SYTL5: variants seen among roughly 807,000 people sequenced by gnomAD.
SYTL5 encodes synaptotagmin like 5, also known as synaptotagmin-like protein 5.
Under a neutral mutation model 55.9 loss-of-function variants are expected in SYTL5, and 34 were observed. That is an observed-to-expected ratio of 0.61 (90% CI 0.46 to 0.81). SYTL5 has a LOEUF of 0.81. Ranked by LOEUF, SYTL5 falls within the 30% of genes least tolerant of loss-of-function variation. The pLI is 0.00. For synonymous variants in SYTL5, 221 were observed against 188.7 expected, an observed-to-expected ratio of 1.17 and a Z score of -1.40; for missense variants, 637 against 546.7, an observed-to-expected ratio of 1.17 and a Z score of -1.65.
intron 3 of SYTL5, among the ~76,000 whole-genome samples, chrX:38,060,652 T>C (rs1428390666): frequency 8.9e-6 from 1 of 112,119 alleles, no homozygotes; most frequent in African/African-American, 3.2e-5. Context: ...TGTAGAACAA[T>C]TGTGGTTTTC....
chrX:37,970,588 T>C, the SYTL5 span, among the ~76,000 whole-genome samples: 3 of 111,567 alleles, frequency 2.7e-5, no homozygotes, highest in African/African-American at 9.7e-5. Flanking sequence ...TTATGACAAG[T>C]TTGTTTAAAA....
chrX:37,993,353 G>T, the SYTL5 span, among the ~76,000 whole-genome samples: 2 of 111,983 alleles, frequency 1.8e-5, no homozygotes, highest in African/African-American at 6.5e-5. Context: ...TTGGGCTTTG[G>T]AGTCACCTAG....
At chrX:37,976,303 G>A in the SYTL5 span, among the ~76,000 whole-genome samples, 1 of 112,210 alleles carries the variant, frequency 8.9e-6, no homozygotes, top group African/African-American at 3.2e-5. Flanking sequence ...TCTTGCATAA[G>A]CAGACTAGGG....
chrX:37,977,581 T>C, the SYTL5 span, among the ~76,000 whole-genome samples: 921 of 109,277 alleles, frequency 8.4e-3, 6 homozygotes, highest in Middle Eastern at 0.019. Flanking sequence ...ATGAGATGTA[T>C]TCTGTACTCT....
chrX:38,043,661 GTATATATATATATATATATA>G (rs35312093), intron 2 of SYTL5, among the ~76,000 whole-genome samples: 3 of 50,161 alleles, frequency 6.0e-5, no homozygotes, highest in African/African-American at 2.9e-4. Context: ...ATGTATGTAT[GTATATATATATATATATATA>G]TATATATATA....
intron 3 of SYTL5, among the ~76,000 whole-genome samples, chrX:38,063,135 A>G (rs1339462778): frequency 2.7e-5 from 3 of 110,559 alleles, no homozygotes; most frequent in African/African-American, 9.9e-5. Flanking sequence ...ATGTTTGTCC[A>G]TAGGTGGGAC....
At chrX:38,091,592 T>C (rs1936800735) in intron 7 of SYTL5, among the ~76,000 whole-genome samples, 1 of 111,319 alleles carries the variant, frequency 9.0e-6, no homozygotes, top group Non-Finnish European at 1.9e-5. Context: ...GGCTTATAGA[T>C]GAGAGGGAGC....
chrX:37,986,422 G>A, the SYTL5 span, among the ~76,000 whole-genome samples: 1 of 111,484 alleles, frequency 9.0e-6, no homozygotes, highest in Non-Finnish European at 1.9e-5. Flanking sequence ...GAACAGAACA[G>A]GACAGGGATT....
At chrX:37,995,251 G>A in the SYTL5 span, among the ~76,000 whole-genome samples, 1 of 111,548 alleles carries the variant, frequency 9.0e-6, no homozygotes, top group African/African-American at 3.3e-5. Flanking sequence ...AGGTGCAGGA[G>A]GCTTTATTCA....
At chrX:38,013,341 A>G (rs1325459413) in intron 1 of SYTL5, among the ~76,000 whole-genome samples, 2 of 112,146 alleles carry the variant, frequency 1.8e-5, no homozygotes, top group Non-Finnish European at 3.8e-5. Flanking sequence ...TATTGGCTCA[A>G]CTCAGACCTA....
At position 38,128,274 on chromosome X, in the gene SYTL5, T is replaced by C. The variant is rs1222284089; in HGVS notation, c.*1544T>C. ...GGACTTAAATCCAGACTATCAATCT[T>C]AGGCCAGTGTTCTTTTTTCAATATA... On this transcript the variant is annotated 3_prime_UTR_variant, in exon 17 of 17. Transcript: ENST00000297875. 8.9e-6 allele frequency: 1 copy of C among 111,856 alleles called. No homozygotes were observed. Among genetic ancestry groups the C allele is most frequent in the East Asian group, 2.8e-4 (1 of 3,555 alleles). 9.2% of individuals were successfully genotyped at this position (111,856 alleles called of 1,213,427 possible).
chrX:37,931,560 T>C, the SYTL5 span, among the ~76,000 whole-genome samples: 2 of 111,383 alleles, frequency 1.8e-5, no homozygotes, highest in Non-Finnish European at 3.8e-5. Flanking sequence ...TGATACCATA[T>C]ACTTGTTTAT....
chrX:38,008,486 TTC>T (rs1286400553), intron 1 of SYTL5, among the ~76,000 whole-genome samples: 2 of 111,710 alleles, frequency 1.8e-5, no homozygotes, highest in Non-Finnish European at 3.8e-5. Context: ...CAGATGGTGC[TTC>T]TGTTACTTGC....
At chrX:37,957,373 T>C in the SYTL5 span, among the ~76,000 whole-genome samples, 4 of 112,007 alleles carry the variant, frequency 3.6e-5, no homozygotes, top group Middle Eastern at 4.6e-3. Context: ...ATTATGAAGC[T>C]TTCCCTGCTG....
In SYTL5 at chrX:38,089,474, G is replaced by C. The variant is rs1223805833; in HGVS notation, c.718G>C (p.Asp240His). The C allele has an allele frequency of 8.3e-7, 1 of 1,209,707 alleles. No individual in the cohort carries two copies. Among genetic ancestry groups the C allele is most frequent in the Non-Finnish European group, 1.1e-6 (1 of 894,761 alleles). The change falls in exon 7 of 17, where the codon GAC (aspartate) becomes CAC (histidine). Residue 240 changes from aspartate (D) to histidine (H), a missense_variant. Asp to His is a moderately conservative substitution (Grantham distance 81). Transcript: ENST00000297875. ...AAGCACTGGCTCATCAGATCTCAAT[G>C]ACCAGGAACCTGGTCCTAGGACCCC... ...RGSTGSSDLN[D>H]QEPGPRTPKS...
the SYTL5 span, among the ~76,000 whole-genome samples, chrX:37,986,868 A>G: frequency 1.8e-5 from 2 of 111,753 alleles, no homozygotes; most frequent in African/African-American, 6.5e-5. Flanking sequence ...AGAGTTTTAA[A>G]TCTTTTTTTA....
At chrX:37,932,300 G>A in the SYTL5 span, among the ~76,000 whole-genome samples, 3 of 110,813 alleles carry the variant, frequency 2.7e-5, no homozygotes, top group African/African-American at 9.9e-5. Context: ...GTGTAACACA[G>A]GAAATGTAGG....
rs781322058 is a variant in SYTL5, at chrX:38,126,611, G to A, written c.2074G>A (p.Asp692Asn). ...GSGVSHGKNV[D>N]WMDSQGEEQR... ...AGGTGTGAGCCATGGGAAGAACGTG[G>A]ATTGGATGGACTCTCAGGGGGAAGA... The change falls in exon 17 of 17, where the codon GAT (aspartate) becomes AAT (asparagine). Residue 692 changes from aspartate to asparagine, a missense_variant. Physicochemically the swap from Asp to Asn is conservative, Grantham distance 23 (BLOSUM62 1). Coordinates refer to ENST00000297875, the MANE Select transcript of SYTL5 (RefSeq NM_138780.3). The A allele has an allele frequency of 8.3e-7, 1 of 1,211,457 alleles. No homozygotes were observed. The highest frequency in any genetic ancestry group is 1.8e-5 in the South Asian group (1 of 56,856).
chrX:38,109,134 T>A (rs1284389238), intron 12 of SYTL5, among the ~76,000 whole-genome samples: 1 of 112,401 alleles, frequency 8.9e-6, no homozygotes, highest in Non-Finnish European at 1.9e-5. Context: ...ATTTCAGAAT[T>A]TGACCAAATG....
Sources: allele counts gnomAD v4.1 joint callset (sites outside exome capture counted in the v4.1 genomes callset), GRCh38; gene constraint gnomAD v4.1.1; transcripts MANE v1.5; gene names NCBI Gene and HGNC (gene_info 2026-07-23, HGNC 2026-07-21).